LARGE1: variants seen among roughly 807,000 people sequenced by gnomAD.
The protein encoded by LARGE1 is LARGE xylosyl- and glucuronyltransferase 1.
In LARGE1, 43 loss-of-function variants were observed where a neutral mutation model predicts 87.6. The observed-to-expected ratio is 0.49, with a 90% CI of 0.38 to 0.63. The LOEUF is 0.63. LARGE1 is among the 30% of genes least tolerant of loss of function. LARGE1 has a pLI of 0.00. For missense variants in LARGE1, 802 were observed against 1,000.2 expected (o/e 0.80, Z 2.67); for synonymous variants, 434 against 394.6 (o/e 1.10, Z -1.18).
chr22:33,162,152 T>C (rs1922049448), downstream of LARGE1: 1 of 152,226 alleles, frequency 6.6e-6, no homozygotes. Flanking sequence ...CCCACTCTCA[T>C]TATAATGAGA....
At chr22:33,283,603 C>T (rs960330426) in intron 12 of LARGE1, among the ~76,000 whole-genome samples, 15 of 152,062 alleles carry the variant, frequency 9.9e-5, no homozygotes, top group African/African-American at 3.1e-4. Context: ...GGTGAAACCC[C>T]GTTTCCACTA....
rs1284852005 is a variant in LARGE1, at chr22:33,330,164, C to CT, written c.1287+7481dup. On this transcript the variant is annotated intron_variant, in intron 10 of 14. Coordinates refer to ENST00000397394, the MANE Select transcript of LARGE1 (RefSeq NM_133642.5). ...GTAAGCTGCCTTGGAAGGTGGCTCT[C>CT]TGTCTTTGGGAGAATTTCAGCAGAA... is the stretch of plus-strand genomic sequence containing the variant. Among the ~76,000 whole-genome samples the CT allele has an allele frequency of 2.0e-5, 3 of 152,214 alleles. No homozygotes were observed. In the East Asian group the frequency reaches 5.8e-4, roughly 29 times the overall value.
At chr22:33,609,216 C>A (rs556989971) in intron 4 of LARGE1, among the ~76,000 whole-genome samples, 1 of 152,134 alleles carries the variant, frequency 6.6e-6, no homozygotes, top group Non-Finnish European at 1.5e-5. Context: ...CAGAGGAAGA[C>A]AGAATACAAA....
chr22:33,301,854 G>T (rs959074975), intron 12 of LARGE1, among the ~76,000 whole-genome samples: 1 of 152,142 alleles, frequency 6.6e-6, no homozygotes, highest in Non-Finnish European at 1.5e-5. Context: ...AGCAGTGAAC[G>T]ATGCCTTTAA....
At chr22:33,260,528 TGAG>T (rs1328312782) in intron 11 of LARGE1, among the ~76,000 whole-genome samples, 1 of 152,008 alleles carries the variant, frequency 6.6e-6, no homozygotes, top group African/African-American at 2.4e-5. Flanking sequence ...TCTGGAGAAA[TGAG>T]GATCACAGCG....
intron 2 of LARGE1, among the ~76,000 whole-genome samples, chr22:33,712,785 C>T (rs1022255833): frequency 1.3e-5 from 2 of 152,096 alleles, no homozygotes; most frequent in Non-Finnish European, 2.9e-5. Context: ...GGGAAGAAAG[C>T]TTGACCCCCA....
intron 2 of LARGE1, among the ~76,000 whole-genome samples, chr22:33,684,592 G>A (rs1404102435): frequency 6.6e-6 from 1 of 152,198 alleles, no homozygotes; most frequent in Non-Finnish European, 1.5e-5. Context: ...ATGCGGAACT[G>A]AGGAAATTGA....
chr22:33,287,597 C>G (rs554391212), intron 12 of LARGE1, among the ~76,000 whole-genome samples: 2 of 152,314 alleles, frequency 1.3e-5, no homozygotes, highest in South Asian at 4.1e-4. Flanking sequence ...CAGCCTGGGT[C>G]TTTCTGTTCT....
intron 2 of LARGE1, among the ~76,000 whole-genome samples, chr22:33,702,092 T>C (rs910091117): frequency 2.0e-5 from 3 of 152,034 alleles, no homozygotes; most frequent in African/African-American, 4.8e-5. Context: ...TTTCACAGAG[T>C]TGTTCCAAAA....
At chr22:33,428,956 AAAAAAG>A (rs1307534066) in intron 7 of LARGE1, among the ~76,000 whole-genome samples, 250 of 126,172 alleles carry the variant, frequency 2.0e-3, no homozygotes, top group Non-Finnish European at 1.5e-3. Flanking sequence ...AAAAAAAAAA[AAAAAAG>A]GAGAGAACTG....
At chr22:33,912,596 A>C (rs749100159) in intron 1 of LARGE1, among the ~76,000 whole-genome samples, 45 of 152,308 alleles carry the variant, frequency 3.0e-4, no homozygotes, top group Middle Eastern at 6.8e-3. Context: ...ATAATGCGAC[A>C]AAAGAGGCTC....
chr22:33,581,166 T>C (rs745867379), intron 5 of LARGE1, among the ~76,000 whole-genome samples: 1 of 152,212 alleles, frequency 6.6e-6, no homozygotes, highest in Non-Finnish European at 1.5e-5. Context: ...GAAACATCAT[T>C]GTCTCAAATT....
intron 6 of LARGE1, among the ~76,000 whole-genome samples, chr22:33,547,736 G>A (rs1247922154): frequency 7.5e-6 from 1 of 134,210 alleles, no homozygotes; most frequent in South Asian, 2.5e-4. Flanking sequence ...GGAGGTTGCA[G>A]TCAGCTGAAA....
chr22:33,492,487 T>C (rs1278095735), intron 6 of LARGE1, among the ~76,000 whole-genome samples: 1 of 152,194 alleles, frequency 6.6e-6, no homozygotes, highest in Non-Finnish European at 1.5e-5. Context: ...TGGAAAGTGC[T>C]ATCTTGATTT....
At position 33,275,454 on chromosome 22, in the gene LARGE1, C is replaced by T. The variant is rs554184916; in HGVS notation, c.2074-830G>A. Among the ~76,000 whole-genome samples the T allele has an allele frequency of 6.6e-5, 10 of 152,090 alleles. No homozygotes were observed. The East Asian group carries it at 1.3e-3, about 20-fold the overall frequency. ...CAGGGATAACTGGGATGGGGAAAGG[C>T]GGCTGTTTTAGGTAGAACAATACAA... is the stretch of plus-strand genomic sequence containing the variant. On this transcript the variant is annotated intron_variant, in intron 14 of 14. Transcript: ENST00000397394.
chr22:33,319,221 T>C (rs1426149738), intron 10 of LARGE1, among the ~76,000 whole-genome samples: 1 of 152,062 alleles, frequency 6.6e-6, no homozygotes, highest in Non-Finnish European at 1.5e-5. Flanking sequence ...GCAGGGGAAG[T>C]AATATTGTCT....
chr22:33,751,493 A>G (rs933315450), intron 2 of LARGE1, among the ~76,000 whole-genome samples: 6 of 151,874 alleles, frequency 4.0e-5, no homozygotes, highest in Non-Finnish European at 1.5e-5. Flanking sequence ...TCAAAAAAAA[A>G]AAAACAAAAA....
chr22:33,298,617 G>A (rs956707793), intron 12 of LARGE1, among the ~76,000 whole-genome samples: 9 of 152,322 alleles, frequency 5.9e-5, no homozygotes, highest in South Asian at 2.1e-4. Flanking sequence ...GAGCCCAGGA[G>A]TTTGAGACTA....
chr22:33,320,828 G>A (rs890127888), intron 10 of LARGE1: 1 of 152,238 alleles, frequency 6.6e-6, no homozygotes, highest in Non-Finnish European at 1.5e-5. Context: ...CTGGGTACAG[G>A]TGATTTCCTC....
Sources: gnomAD v4.1 joint callset for allele counts (sites outside exome capture counted in the v4.1 genomes callset) on GRCh38, gnomAD v4.1.1 for gene constraint, MANE v1.5 for transcripts, NCBI Gene and HGNC (gene_info 2026-07-23, HGNC 2026-07-21) for gene names.